Variants in CSMD1 observed in about 807,000 individuals in gnomAD.
CSMD1 encodes CUB and sushi domain-containing protein 1.
A neutral mutation model predicts 417.5 loss-of-function variants in CSMD1; 213 were observed. The observed-to-expected ratio is 0.51, with a 90% CI of 0.46 to 0.57. The LOEUF is 0.57. CSMD1 is among the 20% of genes least tolerant of loss of function. The probability of loss-of-function intolerance (pLI) is 0.00; values close to 1 mark genes in which losing one functional copy is unlikely to be tolerated. For missense variants in CSMD1, 6,923 were observed against 4,529.7 expected (o/e 1.53, Z -15.17); for synonymous variants, 2,862 against 1,736.8 (o/e 1.65, Z -16.11).
intron 2 of CSMD1, among the ~76,000 whole-genome samples, chr8:4,597,042 C>T (rs1240777299): frequency 6.6e-6 from 1 of 152,140 alleles, no homozygotes; most frequent in African/African-American, 2.4e-5. Flanking sequence ...ATCAATTCAA[C>T]CTATTTTTCT....
At chr8:3,115,953 A>C (rs1221734494) in intron 42 of CSMD1, among the ~76,000 whole-genome samples, 2 of 152,308 alleles carry the variant, frequency 1.3e-5, no homozygotes, top group Admixed American at 1.3e-4. Context: ...TGAAATGATA[A>C]ACCACTGTCA....
intron 1 of CSMD1, among the ~76,000 whole-genome samples, chr8:4,985,574 A>C (rs965683023): frequency 6.6e-6 from 1 of 152,178 alleles, no homozygotes; most frequent in Non-Finnish European, 1.5e-5. Flanking sequence ...TCAGACTAAA[A>C]ATGTGTATAT....
intron 1 of CSMD1, among the ~76,000 whole-genome samples, chr8:4,701,289 CT>C (rs1410815782): frequency 1.3e-5 from 2 of 149,458 alleles, no homozygotes; most frequent in African/African-American, 5.0e-5. Flanking sequence ...ACTTCGAAGG[CT>C]GCTTTTGAGC....
At chr8:3,574,037 G>A (rs892280615) in intron 10 of CSMD1, among the ~76,000 whole-genome samples, 38 of 152,000 alleles carry the variant, frequency 2.5e-4, no homozygotes, top group African/African-American at 8.9e-4. Context: ...GATTTAAAAT[G>A]TAGTAACATA....
At chr8:4,761,894 C>CTATCTAT (rs1563319426) in intron 1 of CSMD1, among the ~76,000 whole-genome samples, 1 of 83,746 alleles carries the variant, frequency 1.2e-5, no homozygotes, top group Non-Finnish European at 2.5e-5. Flanking sequence ...TATCTACCTA[C>CTATCTAT]CTATCTATCT....
intron 1 of CSMD1, among the ~76,000 whole-genome samples, chr8:4,948,180 T>A (rs1808493374): frequency 6.6e-6 from 1 of 152,074 alleles, no homozygotes; most frequent in Non-Finnish European, 1.5e-5. Flanking sequence ...TATTTTTACC[T>A]CTCGCTATTG....
Position 4,425,270 on chromosome 8 carries a change from C to T in CSMD1, c.303-5205G>A, listed in dbSNP as rs554437276. On this transcript the variant is annotated intron_variant, in intron 2 of 69. Transcript: ENST00000635120. ...TTTTAAAACGAGTGTCATAAGACTA[C>T]TGTTCAGAGGTTTGGGGTAATTTAA... Among the ~76,000 whole-genome samples, 239 of 151,040 alleles carry T rather than the reference C, an allele frequency of 1.6e-3. 1 individual carries two copies. Among genetic ancestry groups the T allele is most frequent in the African/African-American group, 5.2e-3 (212 of 41,146 alleles).
At chr8:4,937,895 G>A (rs1010159063) in intron 1 of CSMD1, among the ~76,000 whole-genome samples, 4 of 151,998 alleles carry the variant, frequency 2.6e-5, no homozygotes, top group Non-Finnish European at 5.9e-5. Flanking sequence ...CACCTTGCTT[G>A]TTTTTCCTCT....
intron 10 of CSMD1, among the ~76,000 whole-genome samples, chr8:3,517,759 T>C (rs1797342965): frequency 6.6e-6 from 1 of 152,144 alleles, no homozygotes; most frequent in Non-Finnish European, 1.5e-5. Flanking sequence ...AAATGAAGAA[T>C]TCAAGGCTGG....
chr8:3,219,796 A>T (rs566968512), intron 28 of CSMD1, among the ~76,000 whole-genome samples: 49 of 152,242 alleles, frequency 3.2e-4, no homozygotes, highest in African/African-American at 1.2e-3. Flanking sequence ...CTCAAAAGAG[A>T]CACATTTCCA....
At chr8:3,835,768 A>G (rs1370826466) in intron 5 of CSMD1, among the ~76,000 whole-genome samples, 1 of 151,510 alleles carries the variant, frequency 6.6e-6, no homozygotes, top group Non-Finnish European at 1.5e-5. Flanking sequence ...TAACCCCACC[A>G]TTTGGCTAAC....
chr8:4,542,571 G>C (rs931916588), intron 2 of CSMD1, among the ~76,000 whole-genome samples: 1 of 152,140 alleles, frequency 6.6e-6, no homozygotes, highest in African/African-American at 2.4e-5. Flanking sequence ...TTTTTGCCCA[G>C]TATTTTATGT....
At chr8:3,431,381 G>C (rs902341790) in intron 12 of CSMD1, among the ~76,000 whole-genome samples, 2 of 152,076 alleles carry the variant, frequency 1.3e-5, no homozygotes, top group Admixed American at 6.5e-5. Context: ...TTTCCCACTA[G>C]GCAGTTGCTT....
intron 12 of CSMD1, among the ~76,000 whole-genome samples, chr8:3,418,200 G>A (rs746917073): frequency 4.6e-5 from 7 of 152,280 alleles, no homozygotes; most frequent in Middle Eastern, 3.4e-3. Context: ...TACACCTGCT[G>A]TGTTTTTCCT....
chr8:4,953,218 T>A (rs1300115132), intron 1 of CSMD1, among the ~76,000 whole-genome samples: 1 of 152,218 alleles, frequency 6.6e-6, no homozygotes, highest in East Asian at 1.9e-4. Flanking sequence ...TATTTCCTAA[T>A]GAGTTTTGCT....
At chr8:4,191,762 A>AC (rs527756387) in intron 3 of CSMD1, among the ~76,000 whole-genome samples, 1 of 148,094 alleles carries the variant, frequency 6.8e-6, no homozygotes, top group Non-Finnish European at 1.5e-5. Flanking sequence ...AAAAAAAAAA[A>AC]TGGTGGTTCA....
chr8:3,217,690 G>T (rs1312713992), intron 29 of CSMD1, among the ~76,000 whole-genome samples: 1 of 152,054 alleles, frequency 6.6e-6, no homozygotes, highest in African/African-American at 2.4e-5. Context: ...AAAGGCATAG[G>T]ATACTCTGAT....
In CSMD1 at chr8:3,075,055, G is replaced by C. The variant is rs75559182; in HGVS notation, c.7474+12042C>G. On this transcript the variant is annotated intron_variant, in intron 49 of 69. Coordinates refer to ENST00000635120, the MANE Select transcript of CSMD1 (RefSeq NM_033225.6). ...TCTTGCAAGATCCAGCTGTTTAAAAGCATGTAACACCTCCCCTCTCACTCT... is the reference window on the plus strand; with the variant it reads ...TCTTGCAAGATCCAGCTGTTTAAAACCATGTAACACCTCCCCTCTCACTCT... Among the ~76,000 whole-genome samples, 887 of 152,092 alleles carry C rather than the reference G, an allele frequency of 5.8e-3. 9 individuals carry two copies. The highest frequency in any genetic ancestry group is 0.02 in the African/African-American group (832 of 41,454).
At chr8:4,673,180 A>C (rs1191611818) in intron 1 of CSMD1, among the ~76,000 whole-genome samples, 1 of 152,216 alleles carries the variant, frequency 6.6e-6, no homozygotes, top group African/African-American at 2.4e-5. Flanking sequence ...AAAAGAAAGA[A>C]AGAAAAGACA....
Sources: gnomAD v4.1 joint callset for allele counts (sites outside exome capture counted in the v4.1 genomes callset) on GRCh38, gnomAD v4.1.1 for gene constraint, MANE v1.5 for transcripts, NCBI Gene and HGNC (gene_info 2026-07-23, HGNC 2026-07-21) for gene names.